The following ADAMTS18 variants were observed in gnomAD, a reference collection of about 807,000 sequenced individuals.
ADAMTS18 encodes the protein A disintegrin and metalloproteinase with thrombospondin motifs 18.
Under a neutral mutation model 165.9 loss-of-function variants are expected in ADAMTS18, and 157 were observed. The observed-to-expected ratio is 0.95, with a 90% confidence interval of 0.83 to 1.08. The LOEUF (loss-of-function observed/expected upper bound fraction) is 1.08, where lower values mean the gene tolerates loss of function less well. Ranked by LOEUF, ADAMTS18 falls within the 50% of genes least tolerant of loss-of-function variation. The pLI, the probability that ADAMTS18 is intolerant of heterozygous loss-of-function variation, is 0.00. For synonymous variants in ADAMTS18, 782 were observed against 578.2 expected (o/e 1.35, Z -5.06); for missense variants, 2,040 against 1,534.0 (o/e 1.33, Z -5.51).
chr16:77,416,013 A>T (rs1205422375), intron 3 of ADAMTS18, among the ~76,000 whole-genome samples: 1 of 152,170 alleles, frequency 6.6e-6, no homozygotes, highest in Non-Finnish European at 1.5e-5. Flanking sequence ...CTGATATTCA[A>T]GGTGGAAGGC....
In ADAMTS18 at chr16:77,355,972, G is replaced by A. The variant is rs774500379; in HGVS notation, c.1428C>T (p.Ser476=). 2.5e-6 allele frequency: 4 copies of A among 1,613,960 alleles called. No individual in the cohort carries two copies. The highest frequency in any genetic ancestry group is 3.4e-6 in the Non-Finnish European group (4 of 1,179,980). Residue 476 remains serine (S), a synonymous_variant, in exon 9 of 23, where the codon TCC becomes TCT. Transcript: ENST00000282849. Reference sequence around the variant, plus strand: ...ATTTCTTGAGATACTGGCGGCTGCAGGAAGACCATGAAAACACTCCATTGT... The same window carrying A: ...ATTTCTTGAGATACTGGCGGCTGCAAGAAGACCATGAAAACACTCCATTGT... The part of the protein sequence containing the change: ...TGNNGVFSWS[S]CSRQYLKKFL...
intron 22 of ADAMTS18, among the ~76,000 whole-genome samples, chr16:77,288,860 C>A (rs11643318): frequency 6.6e-6 from 1 of 151,952 alleles, no homozygotes; most frequent in Non-Finnish European, 1.5e-5. Context: ...GACAGTAAAC[C>A]CAGAACTTGA....
At position 77,334,949 on chromosome 16, in the gene ADAMTS18, ATAG is replaced by A. The variant is rs1209190058; in HGVS notation, c.1859+804_1859+806del. On this transcript the variant is annotated intron_variant, in intron 12 of 22. Coordinates refer to ENST00000282849, the MANE Select transcript of ADAMTS18 (RefSeq NM_199355.4). ...GTATATATACTGTATTTTATAGTAT[ATAG>A]TAGTATATATACTGTATATTATAGT... Among the ~76,000 whole-genome samples, 19 of 141,340 alleles carry A rather than the reference ATAG, an allele frequency of 1.3e-4. No homozygotes were observed. In the South Asian group the frequency reaches 1.7e-3, roughly 13 times the overall value. The allele number at this position is 141,340 out of a possible 152,430, so 92.7% of individuals were successfully genotyped here.
At chr16:77,361,683 AG>A (rs1318600682) in intron 7 of ADAMTS18, among the ~76,000 whole-genome samples, 6 of 152,222 alleles carry the variant, frequency 3.9e-5, no homozygotes, top group African/African-American at 1.4e-4. Flanking sequence ...CAGGAGTTCG[AG>A]ACCAGCCTGG....
intron 3 of ADAMTS18, among the ~76,000 whole-genome samples, chr16:77,376,425 C>T (rs961192307): frequency 1.3e-5 from 2 of 152,160 alleles, no homozygotes; most frequent in Non-Finnish European, 2.9e-5. Flanking sequence ...ATATCAGGCC[C>T]CAAGTCCACT....
chr16:77,304,944 A>C lies in ADAMTS18; in HGVS notation c.2533-4540T>G, dbSNP rs1302359124. ...TAACTTTACAAAAATCAAATGACTC[A>C]AGGTTTGCCTTTAATGTATGTGTAG... On this transcript the variant is annotated intron_variant, in intron 16 of 22. Transcript: ENST00000282849. Among the ~76,000 whole-genome samples, 4 of 152,222 alleles carry C rather than the reference A, an allele frequency of 2.6e-5. No individual in the cohort carries two copies. In the East Asian group the frequency reaches 7.7e-4, roughly 29 times the overall value.
At chr16:77,335,967 C>T in intron 11 of ADAMTS18, 63 bp from the exon 12 acceptor site, 1 of 1,594,924 alleles carries the variant, frequency 6.3e-7, no homozygotes. Context: ...CAGGGAGTTG[C>T]CAACACCTGC....
intron 16 of ADAMTS18, among the ~76,000 whole-genome samples, chr16:77,317,551 C>T (rs893994158): frequency 3.3e-5 from 5 of 152,216 alleles, no homozygotes; most frequent in Admixed American, 3.3e-4. Flanking sequence ...CCCAGCTGGT[C>T]TCGAACTCCT....
intron 3 of ADAMTS18, among the ~76,000 whole-genome samples, chr16:77,378,698 G>C (rs1421213336): frequency 6.6e-6 from 1 of 152,084 alleles, no homozygotes; most frequent in African/African-American, 2.4e-5. Flanking sequence ...CTGGGTGACA[G>C]AGTGAAACTG....
intron 4 of ADAMTS18, 55 bp downstream of exon 4, chr16:77,367,386 G>A (rs1423672280): frequency 1.2e-6 from 2 of 1,610,026 alleles, no homozygotes; most frequent in Non-Finnish European, 8.5e-7. Context: ...CAGCACTCAG[G>A]AAAACCTGTC....
chr16:77,335,933 C>A (rs115327024), intron 11 of ADAMTS18, 29 bp from the exon 12 acceptor site: 2 of 1,613,790 alleles, frequency 1.2e-6, no homozygotes, highest in Middle Eastern at 1.6e-4. Context: ...AGATGGTTCC[C>A]GTCAGAGACC....
rs1267813316 is a variant in ADAMTS18 at position 77,289,520 on chromosome 16, A to C, written c.3403-109T>G. 10 of 1,334,802 alleles carry C rather than the reference A, an allele frequency of 7.5e-6. No individual in the cohort carries two copies. The Admixed American group carries it at 1.3e-4, about 17-fold the overall frequency. The allele number at this position is 1,334,802 out of a possible 1,614,324, so 82.7% of individuals were successfully genotyped here. ...ACATTAACAAGATGCCTGCTGATGAAACAGATTGGCTGGAGCCAGGCACAT... is the reference window on the plus strand; with the variant it reads ...ACATTAACAAGATGCCTGCTGATGACACAGATTGGCTGGAGCCAGGCACAT... On this transcript the variant is annotated intron_variant, in intron 21 of 22. Coordinates refer to ENST00000282849, the MANE Select transcript of ADAMTS18 (RefSeq NM_199355.4).
chr16:77,398,144 T>A (rs907349937), intron 3 of ADAMTS18, among the ~76,000 whole-genome samples: 1 of 151,914 alleles, frequency 6.6e-6, no homozygotes, highest in Non-Finnish European at 1.5e-5. Context: ...TGATGAAATA[T>A]CGTCTCTACT....
chr16:77,400,487 T>TG (rs1567541815), intron 3 of ADAMTS18, among the ~76,000 whole-genome samples: 2 of 143,378 alleles, frequency 1.4e-5, no homozygotes, highest in Non-Finnish European at 3.1e-5. Flanking sequence ...TGTGTTTTGT[T>TG]TTTTTTTTTT....
At chr16:77,322,981 G>A (rs2056030380) in intron 13 of ADAMTS18, among the ~76,000 whole-genome samples, 1 of 152,078 alleles carries the variant, frequency 6.6e-6, no homozygotes, top group Admixed American at 6.6e-5. Context: ...CATACGGTTA[G>A]TCATGTTTGT....
At chr16:77,414,334 G>A (rs1168370024) in intron 3 of ADAMTS18, among the ~76,000 whole-genome samples, 1 of 152,198 alleles carries the variant, frequency 6.6e-6, no homozygotes, top group Non-Finnish European at 1.5e-5. Flanking sequence ...GCCCTTAGTG[G>A]ACACTTGAAA....
intron 3 of ADAMTS18, among the ~76,000 whole-genome samples, chr16:77,394,033 T>C (rs2057224894): frequency 6.6e-6 from 1 of 152,234 alleles, no homozygotes; most frequent in Non-Finnish European, 1.5e-5. Flanking sequence ...TAACAGGGCA[T>C]TACATGATTG....
At chr16:77,343,099 T>A (rs554151602) in intron 10 of ADAMTS18, among the ~76,000 whole-genome samples, 4 of 147,268 alleles carry the variant, frequency 2.7e-5, no homozygotes, top group African/African-American at 1.0e-4. Flanking sequence ...TGAGAGTGAG[T>A]TTCACTCTTG....
chr16:77,425,988 G>C (rs1216433693), intron 3 of ADAMTS18, among the ~76,000 whole-genome samples: 1 of 152,066 alleles, frequency 6.6e-6, no homozygotes, highest in Non-Finnish European at 1.5e-5. Context: ...AGAGGTTGCA[G>C]TGGGCCGAGA....
Sources: gnomAD v4.1 joint callset for allele counts (sites outside exome capture counted in the v4.1 genomes callset) on GRCh38, gnomAD v4.1.1 for gene constraint, MANE v1.5 for transcripts, NCBI Gene and HGNC (gene_info 2026-07-23, HGNC 2026-07-21) for gene names.